Variants in ENPP7 observed in about 807,000 individuals in gnomAD.
ENPP7 encodes the protein ectonucleotide pyrophosphatase/phosphodiesterase 7.
Under a neutral mutation model 33.6 loss-of-function variants are expected in ENPP7, and 39 were observed. That is an observed-to-expected ratio of 1.16 (90% CI 0.90 to 1.52). ENPP7 has a LOEUF of 1.52. ENPP7 is among the 40% of genes most tolerant of loss of function. The pLI is 0.00. For missense variants in ENPP7, 594 were observed against 641.0 expected, an observed-to-expected ratio of 0.93 and a Z score of 0.79; for synonymous variants, 244 against 274.3, an observed-to-expected ratio of 0.89 and a Z score of 1.09.
chr17:79,736,543 G>GACA (rs2094296202), intron 3 of ENPP7, among the ~76,000 whole-genome samples: 5 of 79,702 alleles, frequency 6.3e-5, no homozygotes, highest in Admixed American at 5.6e-4. Context: ...AGGCGTGTGT[G>GACA]TGTGTGTGTG....
At chr17:79,734,450 G>A (rs944180233) in intron 2 of ENPP7, among the ~76,000 whole-genome samples, 5 of 151,562 alleles carry the variant, frequency 3.3e-5, no homozygotes, top group Non-Finnish European at 7.4e-5. Flanking sequence ...GATGGACAGT[G>A]ATGAGGCAGA....
At chr17:79,731,936 A>C (rs1478812614) in intron 1 of ENPP7, among the ~76,000 whole-genome samples, 1 of 151,758 alleles carries the variant, frequency 6.6e-6, no homozygotes, top group Non-Finnish European at 1.5e-5. Context: ...CATCTCTACT[A>C]AAAATACAAA....
At position 79,737,586 on chromosome 17, in the gene ENPP7, C is replaced by G. The variant is rs1466379358; in HGVS notation, c.1246+326C>G. Among the ~76,000 whole-genome samples the G allele has an allele frequency of 1.3e-5, 2 of 152,076 alleles. No individual in the cohort carries two copies. Among genetic ancestry groups the G allele is most frequent in the African/African-American group, 2.4e-5 (1 of 41,358 alleles). ...TGGATCCCCACTCCCCACTCCCCAC[C>G]ACAGCAACCTGAGGGCCTCCTTTCT... On this transcript the variant is annotated intron_variant, in intron 4 of 5. Transcript: ENST00000328313. This position sits in a 1 kb window ranked among gnomAD's most constrained non-coding sequence, Gnocchi z 5.5.
chr17:79,731,794 G>GT (rs1377515469), intron 1 of ENPP7, among the ~76,000 whole-genome samples: 1 of 152,092 alleles, frequency 6.6e-6, no homozygotes, highest in Admixed American at 6.6e-5. Context: ...ACAGACATAG[G>GT]TTTTTAAAAA....
intron 1 of ENPP7, among the ~76,000 whole-genome samples, chr17:79,732,907 G>T (rs1164976103): frequency 6.6e-6 from 1 of 152,236 alleles, no homozygotes; most frequent in East Asian, 1.9e-4. Context: ...AAACGGAGGT[G>T]TGCGGGTCTC....
chr17:79,740,928 C>T (rs940689838), intron 5 of ENPP7, among the ~76,000 whole-genome samples: 8 of 152,230 alleles, frequency 5.3e-5, no homozygotes, highest in African/African-American at 1.7e-4. Flanking sequence ...GTTTTCATCA[C>T]AGCCTGGTAA....
rs1555823784 is a variant in ENPP7 at position 79,737,205 on chromosome 17, C to T, written c.1191C>T (p.Ile397=). 1.2e-6 allele frequency: 2 copies of T among 1,612,654 alleles called. No homozygotes were observed. The highest frequency in any genetic ancestry group is 3.3e-5 in the Admixed American group (2 of 60,010). ...VYELMCRLLG[I]VPEANDGHLA... Reference sequence around the variant, plus strand: ...AGCTCATGTGCCGGCTGCTGGGCATCGTGCCCGAGGCCAACGATGGGCACC... The same window carrying T: ...AGCTCATGTGCCGGCTGCTGGGCATTGTGCCCGAGGCCAACGATGGGCACC... Residue 397 remains isoleucine (I), a synonymous_variant, in exon 4 of 6, where the codon ATC becomes ATT. Transcript: ENST00000328313. The surrounding 1 kb of genome is among the most constrained non-coding windows in gnomAD (Gnocchi z 5.5).
chr17:79,733,515 T>C lies in ENPP7; in HGVS notation c.261T>C (p.Tyr87=), dbSNP rs1393155432. 2 of 1,612,762 alleles carry C rather than the reference T, an allele frequency of 1.2e-6. No homozygotes were observed. The highest frequency in any genetic ancestry group is 1.7e-6 in the Non-Finnish European group (2 of 1,179,712). ...PCHFTLVTGK[Y]IENHGVVHNM... is the part of the protein sequence containing the mutation. The stretch of plus-strand genomic sequence containing the variant: ...CACCTCTTCCTCCCTCAGGCAAATA[T>C]ATCGAGAACCACGGGGTGGTTCACA... Residue 87 remains tyrosine, a synonymous_variant, in exon 2 of 6, where the codon TAT becomes TAC. Coordinates refer to ENST00000328313, the MANE Select transcript of ENPP7 (RefSeq NM_178543.5).
In ENPP7 at chr17:79,735,413, G is replaced by T; in HGVS notation, c.770G>T (p.Gly257Val). ...ATGACGACCGTGGACAAACGGGCTG[G>T]CGACCTGGTTGAATTCCACAAGTTC... The part of the protein sequence containing the change: ...HGMTTVDKRA[G>V]DLVEFHKFPN... The change falls in exon 3 of 6, where the codon GGC becomes GTC. Residue 257 changes from glycine (G) to valine (V), a missense_variant. Physicochemically the swap from Gly to Val is moderately radical, Grantham distance 109 (BLOSUM62 -3). Transcript: ENST00000328313. This position sits in a 1 kb window ranked among gnomAD's most constrained non-coding sequence, Gnocchi z 5.5. The T allele has an allele frequency of 2.5e-6, 4 of 1,614,062 alleles. No individual in the cohort carries two copies. Among genetic ancestry groups the T allele is most frequent in the Non-Finnish European group, 3.4e-6 (4 of 1,180,028 alleles).
Position 79,737,370 on chromosome 17 carries a change from C to T in ENPP7, c.1246+110C>T, listed in dbSNP as rs1223817730. 5 of 842,242 alleles carry T rather than the reference C, an allele frequency of 5.9e-6. No individual in the cohort carries two copies. In the African/African-American group the frequency reaches 6.7e-5, roughly 11 times the overall value. The allele number at this position is 842,242 out of a possible 1,614,324, so 52.2% of individuals were successfully genotyped here. On this transcript the variant is annotated intron_variant, in intron 4 of 5. Coordinates refer to ENST00000328313, the MANE Select transcript of ENPP7 (RefSeq NM_178543.5). This position sits in a 1 kb window ranked among gnomAD's most constrained non-coding sequence, Gnocchi z 5.5. ...CACCCTTGAGCCCCAAGTGGGGCCA[C>T]CTCCCCTGGCTTTGGAGAACACCAG...
In ENPP7 at chr17:79,737,049, C is replaced by T. The variant is rs781833793; in HGVS notation, c.1035C>T (p.Asn345=). 3.7e-5 allele frequency: 59 copies of T among 1,613,884 alleles called. No homozygotes were observed. Among genetic ancestry groups the T allele is most frequent in the Non-Finnish European group, 4.6e-5 (54 of 1,179,994 alleles). Residue 345 remains asparagine, a synonymous_variant, in exon 4 of 6, where the codon AAC becomes AAT. Coordinates refer to ENST00000328313, the MANE Select transcript of ENPP7 (RefSeq NM_178543.5). This position sits in a 1 kb window ranked among gnomAD's most constrained non-coding sequence, Gnocchi z 5.5. ...DLGYVIHGRI[N]VQFNNGEHGF... Reference sequence around the variant, plus strand: ...TGCCCGCTCCCCGGCAGAGAATTAACGTCCAGTTCAACAATGGGGAGCACG... The same window carrying T: ...TGCCCGCTCCCCGGCAGAGAATTAATGTCCAGTTCAACAATGGGGAGCACG...
chr17:79,733,799 G>A, intron 2 of ENPP7, 146 bp downstream of exon 2: 1 of 870,450 alleles, frequency 1.1e-6, no homozygotes, highest in South Asian at 1.8e-5. Flanking sequence ...ACAGAAGGGT[G>A]TGAAGTAGGG....
rs142356062 is a variant in ENPP7, at chr17:79,733,589, C to T, written c.335C>T (p.Thr112Met). The change falls in exon 2 of 6, where the codon ACG becomes ATG. Residue 112 changes from threonine (T) to methionine (M), a missense_variant. Thr to Met is a moderately conservative substitution (Grantham distance 81, BLOSUM62 -1). Transcript: ENST00000328313. ...TSKVKLPYHA[T>M]LGIQRWWDNG... ...AAGGTGAAGCTGCCCTACCACGCCA[C>T]GCTGGGCATCCAGAGGTGGTGGGAC... 348 of 1,613,430 alleles carry T rather than the reference C, an allele frequency of 2.2e-4. No homozygotes were observed. The highest frequency in any genetic ancestry group is 2.8e-4 in the Non-Finnish European group (330 of 1,180,022).
chr17:79,735,780 A>G lies in ENPP7; in HGVS notation c.1026+111A>G. 9.9e-7 allele frequency: 1 copy of G among 1,009,466 alleles called. No homozygotes were observed. Among genetic ancestry groups the G allele is most frequent in the Non-Finnish European group, 1.4e-6 (1 of 697,868 alleles). The allele number at this position is 1,009,466 out of a possible 1,614,324, so 62.5% of individuals were successfully genotyped here. On this transcript the variant is annotated intron_variant, in intron 3 of 5. Transcript: ENST00000328313. The surrounding 1 kb of genome is among the most constrained non-coding windows in gnomAD (Gnocchi z 5.5). ...TGCTCTGTTGCCCAGGCTGGAGTGC[A>G]ATGGCAGGATCTCAGCTCACTGCAG... is the stretch of plus-strand genomic sequence containing the variant.
chr17:79,731,527 A>G (rs782046043), intron 1 of ENPP7, 135 bp downstream of exon 1: 3 of 1,148,700 alleles, frequency 2.6e-6, no homozygotes, highest in Non-Finnish European at 3.6e-6. Context: ...ACCATTAGGA[A>G]TCCTCACCGT....
At position 79,739,198 on chromosome 17, in the gene ENPP7, GGC is replaced by G. The variant is rs531745771; in HGVS notation, c.*16+1138_*16+1139del. 2,839 of 152,754 alleles carry G rather than the reference GGC, an allele frequency of 0.019. 39 individuals are homozygous for G. The highest frequency in any genetic ancestry group is 0.03 in the Non-Finnish European group (2,053 of 68,298). 9.5% of individuals were successfully genotyped at this position (152,754 alleles called of 1,614,324 possible). ...GACAGGCCCGCGGTGGGACAGGTTC[GGC>G]GTGTTTGGGATGAGACAGAAGGCCA... On this transcript the variant is annotated intron_variant, in intron 5 of 5. Transcript: ENST00000328313. This position sits in a 1 kb window ranked among gnomAD's most constrained non-coding sequence, Gnocchi z 4.4.
chr17:79,735,115 C>T lies in ENPP7; in HGVS notation c.472C>T (p.Arg158Trp), dbSNP rs151011843. ...TYQGVAVTRSRKEGIAHNYKN... is the reference protein window; with the variant it reads ...TYQGVAVTRSWKEGIAHNYKN... ...CCAAGGGGTGGCTGTGACGCGGAGCCGGAAAGAAGGCATCGCACACAACTA... is the reference window on the plus strand; with the variant it reads ...CCAAGGGGTGGCTGTGACGCGGAGCTGGAAAGAAGGCATCGCACACAACTA... Residue 158 changes from arginine to tryptophan, a missense_variant, in exon 3 of 6, where the codon CGG (arginine) becomes TGG (tryptophan). Around this residue, in one of 3 missense-constraint regions of ENPP7, gnomAD observed 504 missense variants for 512.8 expected, o/e 0.98. Coordinates refer to ENST00000328313, the MANE Select transcript of ENPP7 (RefSeq NM_178543.5). This position sits in a 1 kb window ranked among gnomAD's most constrained non-coding sequence, Gnocchi z 5.5. 2.9e-4 allele frequency: 470 copies of T among 1,613,026 alleles called. 4 individuals are homozygous for T. The East Asian group carries it at 8.3e-3, about 29-fold the overall frequency.
Position 79,738,111 on chromosome 17 carries a change from A to G in ENPP7, c.*16+49A>G. On this transcript the variant is annotated intron_variant, in intron 5 of 5. Transcript: ENST00000328313. The surrounding 1 kb of genome is among the most constrained non-coding windows in gnomAD (Gnocchi z 6.2). Reference sequence around the variant, plus strand: ...CGGGAGGGTGGCCCCACGCTCCCTGACCCTCCACCCTGATGTCCCAGCTAC... The same window carrying G: ...CGGGAGGGTGGCCCCACGCTCCCTGGCCCTCCACCCTGATGTCCCAGCTAC... 4 of 1,573,272 alleles carry G rather than the reference A, an allele frequency of 2.5e-6. No homozygotes were observed. Among genetic ancestry groups the G allele is most frequent in the Non-Finnish European group, 3.4e-6 (4 of 1,159,674 alleles).
At chr17:79,740,691 G>A (rs1231424009) in intron 5 of ENPP7, among the ~76,000 whole-genome samples, 1 of 152,194 alleles carries the variant, frequency 6.6e-6, no homozygotes, top group Admixed American at 6.5e-5. Context: ...TTTCCCCAGA[G>A]GAGCAGCCAC....
Sources: allele counts gnomAD v4.1 joint callset (sites outside exome capture counted in the v4.1 genomes callset), GRCh38; gene constraint gnomAD v4.1.1; regional missense constraint gnomAD v4.1.1; non-coding constraint Gnocchi (gnomAD v3.1); transcripts MANE v1.5; gene names NCBI Gene and HGNC (gene_info 2026-07-23, HGNC 2026-07-21).